SRP19: variants seen among roughly 807,000 people sequenced by gnomAD.
SRP19 encodes signal recognition particle 19 kDa protein.
Under a neutral mutation model 22.4 loss-of-function variants are expected in SRP19, and 11 were observed. That is an observed-to-expected ratio of 0.49 (90% CI 0.31 to 0.81). SRP19 has a LOEUF of 0.81. Ranked by LOEUF, SRP19 falls within the 40% of genes least tolerant of loss-of-function variation. SRP19 has a pLI of 0.05. For missense variants in SRP19, 168 were observed against 175.9 expected (o/e 0.96, Z 0.25); for synonymous variants, 61 against 57.6 (o/e 1.06, Z -0.27).
intron 2 of SRP19, among the ~76,000 whole-genome samples, chr5:112,863,628 C>T (rs1299008925): frequency 6.6e-6 from 1 of 152,156 alleles, no homozygotes; most frequent in Non-Finnish European, 1.5e-5. Context: ...TATAGTATCG[C>T]ATGGTGTGAG....
chr5:112,882,678 G>T (rs1768117205), intron 4 of SRP19, among the ~76,000 whole-genome samples: 1 of 152,164 alleles, frequency 6.6e-6, no homozygotes, highest in Non-Finnish European at 1.5e-5. Context: ...TAGTGTCCAT[G>T]GCTGTTTTCA....
intron 4 of SRP19, among the ~76,000 whole-genome samples, chr5:112,876,080 CTT>C (rs1491258759): frequency 6.6e-6 from 1 of 151,600 alleles, no homozygotes; most frequent in Non-Finnish European, 1.5e-5. Context: ...AATACACTAT[CTT>C]AAGTCATAGG....
intron 4 of SRP19, among the ~76,000 whole-genome samples, chr5:112,880,405 G>A (rs1363872500): frequency 1.3e-5 from 2 of 152,204 alleles, no homozygotes; most frequent in African/African-American, 4.8e-5. Context: ...CCCACTGTGA[G>A]ATTTTACAAT....
At chr5:112,883,706 T>A (rs992721091) in intron 4 of SRP19, among the ~76,000 whole-genome samples, 1 of 152,170 alleles carries the variant, frequency 6.6e-6, no homozygotes, top group African/African-American at 2.4e-5. Flanking sequence ...CAACTAGCTA[T>A]TTGACTAATC....
At chr5:112,871,766 A>T (rs535679002), downstream of SRP19, among the ~76,000 whole-genome samples, 59 of 152,110 alleles carry the variant, frequency 3.9e-4, 1 homozygote, top group African/African-American at 1.0e-3. Context: ...CTCAAAAAAA[A>T]TTTTTTTAAG....
intron 4 of SRP19, among the ~76,000 whole-genome samples, chr5:112,866,566 G>A (rs1767613398): frequency 6.6e-6 from 1 of 152,132 alleles, no homozygotes; most frequent in African/African-American, 2.4e-5. Flanking sequence ...GTGGACACAA[G>A]TGATCCTCCT....
intron 4 of SRP19, among the ~76,000 whole-genome samples, chr5:112,867,103 A>G (rs982702802): frequency 1.3e-5 from 2 of 152,168 alleles, no homozygotes; most frequent in Non-Finnish European, 2.9e-5. Flanking sequence ...GTATATTTGG[A>G]TACATACTCC....
Position 112,875,770 on chromosome 5 carries a change from G to A in SRP19, c.301+11038G>A, listed in dbSNP as rs188054009. Among the ~76,000 whole-genome samples, 8 of 151,418 alleles carry A rather than the reference G, an allele frequency of 5.3e-5. No individual in the cohort carries two copies. The East Asian group carries it at 1.5e-3, about 29-fold the overall frequency. On this transcript the variant is annotated intron_variant, in intron 4 of 4. Coordinates refer to the SRP19 transcript ENST00000391338. The stretch of plus-strand genomic sequence containing the variant: ...TAAAAAGTTTACTACATCAAAGCCA[G>A]GCGCGGTGGCTCATGCCTGTAATCC...
intron 4 of SRP19, chr5:112,887,097 C>T: frequency 6.2e-7 from 1 of 1,613,680 alleles, no homozygotes; most frequent in Non-Finnish European, 8.5e-7. Context: ...ACTCGTGCTT[C>T]AGGAAGAAAG....
At chr5:112,892,259 T>C (rs1768491000) in exon 5 of SRP19, 1 of 1,613,982 alleles carries the variant, frequency 6.2e-7, no homozygotes. Context: ...ACCCTTCTTA[T>C]TAAGAGCATG....
At position 112,862,659 on chromosome 5, in the gene SRP19, A is replaced by C. The variant is rs1767450502; in HGVS notation, c.117+76A>C. 1.1e-5 allele frequency: 15 copies of C among 1,307,280 alleles called. 2 individuals are homozygous for C. Among genetic ancestry groups the C allele is most frequent in the South Asian group, 9.8e-5 (8 of 81,686 alleles). 81.0% of individuals were successfully genotyped at this position (1,307,280 alleles called of 1,614,324 possible). A position where few individuals can be genotyped will look rare whatever the true frequency, so the allele number is the denominator to read the frequency against. On this transcript the variant is annotated intron_variant, in intron 2 of 4. Transcript: ENST00000505459. ...CCTGGTCGGGCCACGTAATCTTGTT[A>C]GAGCCGCAGGGGGTTCTCTTCACTG...
At position 112,867,657 on chromosome 5, in the gene SRP19, T is replaced by C; in HGVS notation, c.*120T>C. The stretch of plus-strand genomic sequence containing the variant: ...ATCATTTAACTGAACTGTGAACCCT[T>C]GTGCCTCTCATCTTTATCATCGGAG... On this transcript the variant is annotated 3_prime_UTR_variant, in exon 5 of 5. Coordinates refer to ENST00000505459, the MANE Select transcript of SRP19 (RefSeq NM_003135.3). 7.3e-7 allele frequency: 1 copy of C among 1,378,956 alleles called. No homozygotes were observed. The highest frequency in any genetic ancestry group is 9.4e-7 in the Non-Finnish European group (1 of 1,061,656). 85.4% of individuals were successfully genotyped at this position (1,378,956 alleles called of 1,614,324 possible).
At chr5:112,895,525 A>G (rs1032901184), downstream of SRP19, 2 of 152,122 alleles carry the variant, frequency 1.3e-5, no homozygotes, top group African/African-American at 2.4e-5. Context: ...TACCTCTTCA[A>G]TGTGATTACT....
chr5:112,895,585 A>T (rs1768658286), downstream of SRP19: 1 of 152,148 alleles, frequency 6.6e-6, no homozygotes, highest in African/African-American at 2.4e-5. Flanking sequence ...GGTACCCTCT[A>T]GCTATTGTCT....
chr5:112,864,173 T>C (rs1245742652), intron 2 of SRP19, among the ~76,000 whole-genome samples: 1 of 152,184 alleles, frequency 6.6e-6, no homozygotes, highest in Admixed American at 6.5e-5. Flanking sequence ...ACCTACTATG[T>C]TGAGAGTACC....
At chr5:112,862,656 G>T in intron 2 of SRP19, 73 bp downstream of exon 2, 1 of 1,343,278 alleles carries the variant, frequency 7.4e-7, no homozygotes, top group South Asian at 1.2e-5. Context: ...ACGTAATCTT[G>T]TTAGAGCCGC....
chr5:112,867,095 A>G (rs1294420960), intron 4 of SRP19, among the ~76,000 whole-genome samples: 1 of 152,202 alleles, frequency 6.6e-6, no homozygotes, highest in Non-Finnish European at 1.5e-5. Context: ...TACCTGAGGT[A>G]TATTTGGATA....
intron 4 of SRP19, chr5:112,886,968 G>A (rs777256905): frequency 1.4e-6 from 2 of 1,416,050 alleles, no homozygotes; most frequent in Non-Finnish European, 1.9e-6. Context: ...AGCCCAGTGT[G>A]TCACATCTCC....
downstream of SRP19, among the ~76,000 whole-genome samples, chr5:112,873,768 G>GT (rs546786948): frequency 1.1e-4 from 8 of 70,578 alleles, no homozygotes; most frequent in Non-Finnish European, 1.9e-4. Context: ...TTGTTTCCAA[G>GT]TTCCTTTTTT....
Sources: gnomAD v4.1 joint callset for allele counts (sites outside exome capture counted in the v4.1 genomes callset) on GRCh38, gnomAD v4.1.1 for gene constraint, MANE v1.5 for transcripts, NCBI Gene and HGNC (gene_info 2026-07-23, HGNC 2026-07-21) for gene names.